IMP4: variants seen among roughly 807,000 people sequenced by gnomAD.
IMP4 encodes IMP U3 small nucleolar ribonucleoprotein 4.
Under a neutral mutation model 42.7 loss-of-function variants are expected in IMP4, and 30 were observed. The observed-to-expected ratio is 0.70, with a 90% confidence interval of 0.53 to 0.95. The LOEUF is 0.95. Among genes scored for constraint, IMP4 ranks in the 40% least tolerant of loss-of-function variants. The pLI is 0.00. For synonymous variants in IMP4, 165 were observed against 165.2 expected, an observed-to-expected ratio of 1.00 and a Z score of 0.01; for missense variants, 382 against 411.4, an observed-to-expected ratio of 0.93 and a Z score of 0.62.
chr2:130,344,673 T>G lies in IMP4; in HGVS notation c.157T>G (p.Leu53Val). ...TGAGTTACGCCGAGAGGCTCTGGCC[T>G]TACAGGGGTCCCTGGAGTTTGATGA... is the stretch of plus-strand genomic sequence containing the variant. ...PTELRREALA[L>V]QGSLEFDDAG... Residue 53 changes from leucine to valine, a missense_variant, in exon 3 of 9, where the codon TTA (leucine) becomes GTA (valine). Coordinates refer to ENST00000259239, the MANE Select transcript of IMP4 (RefSeq NM_033416.3). 1 of 1,614,124 alleles carries G rather than the reference T, an allele frequency of 6.2e-7. No individual in the cohort carries two copies. The highest frequency in any genetic ancestry group is 8.5e-7 in the Non-Finnish European group (1 of 1,179,944).
In IMP4 at chr2:130,343,133, C is replaced by G; in HGVS notation, c.51C>G (p.Ala17=). The change falls in exon 2 of 9, where the codon GCC becomes GCG. Residue 17 remains alanine, a synonymous_variant. Coordinates refer to ENST00000259239, the MANE Select transcript of IMP4 (RefSeq NM_033416.3). ...RLRREYLYRK[A]REEAQRSAQE... is the part of the protein sequence containing the mutation. Reference sequence around the variant, plus strand: ...GCCGCGAGTACCTGTACCGCAAGGCCCGGGAGGAGGCGCAGCGCTCAGCCC... The same window carrying G: ...GCCGCGAGTACCTGTACCGCAAGGCGCGGGAGGAGGCGCAGCGCTCAGCCC... 6.4e-7 allele frequency: 1 copy of G among 1,553,692 alleles called. No homozygotes were observed. Among genetic ancestry groups the G allele is most frequent in the Non-Finnish European group, 8.7e-7 (1 of 1,147,744 alleles).
Position 130,347,056 on chromosome 2 carries a change from A to G in IMP4, c.*588A>G, listed in dbSNP as rs951966129. 3 of 156,844 alleles carry G rather than the reference A, an allele frequency of 1.9e-5. No individual in the cohort carries two copies. The highest frequency in any genetic ancestry group is 7.2e-5 in the African/African-American group (3 of 41,476). 9.7% of individuals were successfully genotyped at this position (156,844 alleles called of 1,614,324 possible). Reference sequence around the variant, plus strand: ...CTTTCCTTGTAAAAAATAACATGCCACATTTTCTTACCAATCCGTCCACCA... The same window carrying G: ...CTTTCCTTGTAAAAAATAACATGCCGCATTTTCTTACCAATCCGTCCACCA... On this transcript the variant is annotated 3_prime_UTR_variant, in exon 9 of 9. Transcript: ENST00000259239.
intron 2 of IMP4, chr2:130,343,463 C>T (rs1030892473): frequency 6.5e-5 from 40 of 618,600 alleles, no homozygotes; most frequent in Middle Eastern, 3.0e-4. Context: ...TGTAGAAATT[C>T]TCTTTAGAGC....
chr2:130,344,806 C>A, intron 3 of IMP4, 94 bp downstream of exon 3: 2 of 841,658 alleles, frequency 2.4e-6, no homozygotes, highest in Non-Finnish European at 4.1e-6. Context: ...GAGGAAACTG[C>A]TCCTGGAACT....
intron 7 of IMP4, 26 bp from the exon 8 acceptor site, chr2:130,346,175 G>T (rs140113457): frequency 1.9e-6 from 3 of 1,613,428 alleles, no homozygotes; most frequent in African/African-American, 2.7e-5. Context: ...GCTGCTTGCC[G>T]TTGACCCACA....
At position 130,345,462 on chromosome 2, in the gene IMP4, T is replaced by G. The variant is rs778311172; in HGVS notation, c.283T>G (p.Ser95Ala). 1.2e-6 allele frequency: 2 copies of G among 1,613,868 alleles called. No individual in the cohort carries two copies. The change falls in exon 4 of 9, where the codon TCC becomes GCC. Residue 95 changes from serine to alanine, a missense_variant. Coordinates refer to ENST00000259239, the MANE Select transcript of IMP4 (RefSeq NM_033416.3). This position sits in a 1 kb window ranked among gnomAD's most constrained non-coding sequence, Gnocchi z 4.9. Reference protein sequence around the residue: ...VMITTSRDPSSRLKMFAKELK... With the variant: ...VMITTSRDPSARLKMFAKELK... ...GATCACTACCTCCCGAGACCCCAGT[T>G]CCCGCCTCAAGATGTTTGCAAAGGT...
intron 2 of IMP4, among the ~76,000 whole-genome samples, chr2:130,343,847 A>G (rs1023491048): frequency 6.6e-6 from 1 of 151,888 alleles, no homozygotes; most frequent in Non-Finnish European, 1.5e-5. Context: ...CTCCGTGGGG[A>G]ACAGTGCTGG....
chr2:130,342,997 T>C lies in IMP4; in HGVS notation c.3+62T>C, dbSNP rs1573831498. The C allele has an allele frequency of 3.1e-6, 5 of 1,613,052 alleles. No homozygotes were observed. In the African/African-American group the frequency reaches 6.7e-5, roughly 21 times the overall value. On this transcript the variant is annotated intron_variant, in intron 1 of 8. Transcript: ENST00000259239. ...GCGTGAAGTGCTGGGGATGTGGCTC[T>C]GGGGACTTGGAGGCTCAGCGGCTCC...
rs760905851 is a variant in IMP4 at position 130,345,917 on chromosome 2, C to T, written c.578C>T (p.Ser193Phe). ...CACCTCATCACACACGGCTTCTCCT[C>T]CCGCCTGGGCAAGCGGGTGAGTCTG... ...KPHLITHGFS[S>F]RLGKRVSDIL... The change falls in exon 6 of 9, where the codon TCC becomes TTC. Residue 193 changes from serine (S) to phenylalanine (F), a missense_variant. Coordinates refer to ENST00000259239, the MANE Select transcript of IMP4 (RefSeq NM_033416.3). This position sits in a 1 kb window ranked among gnomAD's most constrained non-coding sequence, Gnocchi z 4.9. 1.2e-6 allele frequency: 2 copies of T among 1,614,216 alleles called. No individual in the cohort carries two copies. The highest frequency in any genetic ancestry group is 1.1e-5 in the South Asian group (1 of 91,086).
Position 130,345,378 on chromosome 2 carries a change from G to A in IMP4, c.199G>A (p.Val67Met). The change falls in exon 4 of 9, where the codon GTG (valine) becomes ATG (methionine). Residue 67 changes from valine (V) to methionine (M), a missense_variant and splice_region_variant. Physicochemically the swap from Val to Met is conservative, Grantham distance 21. Coordinates refer to ENST00000259239, the MANE Select transcript of IMP4 (RefSeq NM_033416.3). The surrounding 1 kb of genome is among the most constrained non-coding windows in gnomAD (Gnocchi z 4.9). ...LEFDDAGGEG[V>M]TSHVDDEYRW... ...CTTGCCCCTCGTGCTCCTGACAGGTGTGACCAGCCACGTGGATGATGAATA... is the reference window on the plus strand; with the variant it reads ...CTTGCCCCTCGTGCTCCTGACAGGTATGACCAGCCACGTGGATGATGAATA... The A allele has an allele frequency of 6.2e-7, 1 of 1,613,366 alleles. No individual in the cohort carries two copies. Among genetic ancestry groups the A allele is most frequent in the South Asian group, 1.1e-5 (1 of 90,998 alleles).
intron 2 of IMP4, 69 bp downstream of exon 2, chr2:130,343,263 G>T (rs73960310): frequency 4.3e-4 from 489 of 1,136,650 alleles, no homozygotes; most frequent in African/African-American, 3.4e-3. Context: ...TCGAATATCC[G>T]AGCGTCTTTC....
Position 130,346,124 on chromosome 2 carries a change from G to A in IMP4, c.689+12G>A, listed in dbSNP as rs779981247. On this transcript the variant is annotated intron_variant, in intron 7 of 8. Transcript: ENST00000259239. Reference sequence around the variant, plus strand: ...TACATATCATTCCGGTGGGTCCACGGGCCATGCCCCAGGAAAGCATCCCCA... The same window carrying A: ...TACATATCATTCCGGTGGGTCCACGAGCCATGCCCCAGGAAAGCATCCCCA... The A allele has an allele frequency of 1.9e-6, 3 of 1,613,754 alleles. No individual in the cohort carries two copies. The highest frequency in any genetic ancestry group is 3.3e-5 in the Admixed American group (2 of 59,988).
chr2:130,343,452 C>T, intron 2 of IMP4: 1 of 663,738 alleles, frequency 1.5e-6, no homozygotes, highest in Non-Finnish European at 2.8e-6. Flanking sequence ...TTATCTTGTC[C>T]TGTAGAAATT....
Position 130,345,644 on chromosome 2 carries a change from CA to C in IMP4, c.387del (p.Ala130ProfsTer124). 2.5e-6 allele frequency: 4 copies of C among 1,614,064 alleles called. No homozygotes were observed. Among genetic ancestry groups the C allele is most frequent in the Non-Finnish European group, 3.4e-6 (4 of 1,180,018 alleles). On this transcript the variant is annotated frameshift_variant, in exon 5 of 9. Transcript: ENST00000259239. LOFTEE classifies it high-confidence loss of function. This position sits in a 1 kb window ranked among gnomAD's most constrained non-coding sequence, Gnocchi z 4.9. Reference protein sequence around the residue: ...HEVGALVRACKANGVTDLLVV... With the variant: ...HEVGALVRACXANGVTDLLVV... The stretch of plus-strand genomic sequence containing the variant: ...AAGTGGGGGCACTGGTGCGAGCCTG[CA>C]AAGCCAACGGCGTCACCGATCTGCT...
chr2:130,343,817 C>T (rs1322973844), intron 2 of IMP4, among the ~76,000 whole-genome samples: 1 of 152,138 alleles, frequency 6.6e-6, no homozygotes, highest in Non-Finnish European at 1.5e-5. Flanking sequence ...GCCCATCCTC[C>T]CTGCAGGAGT....
chr2:130,343,045 C>A, intron 1 of IMP4, 41 bp from the exon 2 acceptor site: 1 of 1,600,258 alleles, frequency 6.2e-7, no homozygotes, highest in South Asian at 1.1e-5. Context: ...TTCCGGGGCT[C>A]GGGAGCGAGT....
rs1177144122 is a variant in IMP4 at position 130,346,407 on chromosome 2, A to C, written c.815A>C (p.Glu272Ala). 1 of 1,575,820 alleles carries C rather than the reference A, an allele frequency of 6.3e-7. No homozygotes were observed. Among genetic ancestry groups the C allele is most frequent in the Non-Finnish European group, 8.6e-7 (1 of 1,160,416 alleles). ...GAGCAGGAGGCCACAGCAGACGTGG[A>C]GTGGCGCTGGCACCCTTACACCAAT... ...TLEQEATADV[E>A]WRWHPYTNTA... Residue 272 changes from glutamate to alanine, a missense_variant, in exon 9 of 9, where the codon GAG becomes GCG. Glu to Ala is a moderately radical substitution (Grantham distance 107, BLOSUM62 -1). Coordinates refer to ENST00000259239, the MANE Select transcript of IMP4 (RefSeq NM_033416.3).
chr2:130,344,591 C>G (rs779338719), intron 2 of IMP4, 38 bp from the exon 3 acceptor site: 2 of 1,389,350 alleles, frequency 1.4e-6, no homozygotes, highest in Non-Finnish European at 2.1e-6. Flanking sequence ...GGTCTCCATG[C>G]TTGTGACTCA....
Position 130,345,997 on chromosome 2 carries a change from C to T in IMP4, c.595-21C>T. 1.9e-6 allele frequency: 3 copies of T among 1,614,164 alleles called. No homozygotes were observed. The highest frequency in any genetic ancestry group is 4.5e-5 in the East Asian group (2 of 44,880). On this transcript the variant is annotated intron_variant, in intron 6 of 8. Coordinates refer to ENST00000259239, the MANE Select transcript of IMP4 (RefSeq NM_033416.3). This position sits in a 1 kb window ranked among gnomAD's most constrained non-coding sequence, Gnocchi z 4.9. Reference sequence around the variant, plus strand: ...GCCAGGCATTTGCCACTCTGTTTCCCTCTCTTTCCTTGTGCCCCAGGTCTC... The same window carrying T: ...GCCAGGCATTTGCCACTCTGTTTCCTTCTCTTTCCTTGTGCCCCAGGTCTC...
Sources: allele counts gnomAD v4.1 joint callset (sites outside exome capture counted in the v4.1 genomes callset), GRCh38; gene constraint gnomAD v4.1.1; non-coding constraint Gnocchi (gnomAD v3.1); transcripts MANE v1.5; gene names NCBI Gene and HGNC (gene_info 2026-07-23, HGNC 2026-07-21).